Variants in PRIM2 observed in about 807,000 individuals in gnomAD.
PRIM2 encodes DNA primase subunit 2.
PRIM2 carries 39 observed loss-of-function variants against 67.3 expected under a neutral mutation model. The observed-to-expected ratio is 0.58, with a 90% CI of 0.45 to 0.76. The LOEUF is 0.76. Ranked by LOEUF, PRIM2 falls within the 30% of genes least tolerant of loss-of-function variation. The probability of loss-of-function intolerance (pLI) is 0.00; values close to 1 mark genes in which losing one functional copy is unlikely to be tolerated. For synonymous variants in PRIM2, 143 were observed against 198.7 expected, an observed-to-expected ratio of 0.72 and a Z score of 2.36; for missense variants, 398 against 598.7, an observed-to-expected ratio of 0.66 and a Z score of 3.50.
intron 10 of PRIM2, among the ~76,000 whole-genome samples, chr6:57,599,951 C>A (rs1170237377): frequency 6.6e-6 from 1 of 152,174 alleles, no homozygotes; most frequent in Non-Finnish European, 1.5e-5. Flanking sequence ...CCACACACAG[C>A]TAATATTTAA....
intron 12 of PRIM2, among the ~76,000 whole-genome samples, chr6:57,617,139 G>GT (rs1776770426): frequency 6.6e-6 from 1 of 152,270 alleles, no homozygotes; most frequent in East Asian, 1.9e-4. Flanking sequence ...CTGTTCCCAC[G>GT]TTTTTCCCAG....
intron 5 of PRIM2, among the ~76,000 whole-genome samples, chr6:57,326,932 C>T (rs1259691796): frequency 7.3e-6 from 1 of 137,026 alleles, no homozygotes; most frequent in Non-Finnish European, 1.5e-5. Flanking sequence ...GATGGAGCCT[C>T]ACTCTGTCAT....
At chr6:57,387,035 T>G (rs1455784338) in intron 7 of PRIM2, among the ~76,000 whole-genome samples, 1 of 152,176 alleles carries the variant, frequency 6.6e-6, no homozygotes, top group Non-Finnish European at 1.5e-5. Context: ...GATAAAAAAT[T>G]GACATTACTT....
chr6:57,280,177 A>C, the PRIM2 span, among the ~76,000 whole-genome samples: 1 of 152,198 alleles, frequency 6.6e-6, no homozygotes, highest in Non-Finnish European at 1.5e-5. Context: ...TGTAAAATTA[A>C]AAAATTCTCA....
chr6:57,613,136 A>G (rs1188519142), intron 12 of PRIM2, among the ~76,000 whole-genome samples: 2 of 152,248 alleles, frequency 1.3e-5, no homozygotes, highest in Non-Finnish European at 1.5e-5. Context: ...GGTAAGTAGC[A>G]TAATGAGCCA....
intron 5 of PRIM2, among the ~76,000 whole-genome samples, chr6:57,360,083 T>G (rs1424056599): frequency 6.6e-6 from 1 of 152,198 alleles, no homozygotes; most frequent in South Asian, 2.1e-4. Context: ...TTGCCAAAAT[T>G]TAAAGCAGAC....
chr6:57,260,598 C>T, the PRIM2 span, among the ~76,000 whole-genome samples: 1 of 152,006 alleles, frequency 6.6e-6, no homozygotes, highest in Admixed American at 6.5e-5. Flanking sequence ...GTCTCCAATC[C>T]TTGGTGGATT....
the PRIM2 span, among the ~76,000 whole-genome samples, chr6:57,285,535 C>A: frequency 1.3e-5 from 2 of 152,122 alleles, no homozygotes; most frequent in Admixed American, 6.5e-5. Flanking sequence ...ATCATTATCT[C>A]GATAGATGCA....
intron 13 of PRIM2, among the ~76,000 whole-genome samples, chr6:57,637,065 G>A (rs1413473971): frequency 1.3e-5 from 2 of 152,284 alleles, no homozygotes; most frequent in Admixed American, 6.5e-5. Flanking sequence ...AAGGAACAGG[G>A]CACAATCTTT....
intron 7 of PRIM2, among the ~76,000 whole-genome samples, chr6:57,390,378 A>C (rs1420946676): frequency 1.3e-5 from 2 of 152,098 alleles, no homozygotes; most frequent in East Asian, 3.9e-4. Context: ...TTGTCTATTC[A>C]ACACATATTT....
the PRIM2 span, among the ~76,000 whole-genome samples, chr6:57,227,043 C>T: frequency 6.6e-6 from 1 of 152,026 alleles, no homozygotes; most frequent in Admixed American, 6.6e-5. Flanking sequence ...AGGGCCCTTA[C>T]TAACAAAGAA....
At chr6:57,628,440 A>C (rs1776989961) in intron 12 of PRIM2, among the ~76,000 whole-genome samples, 1 of 152,230 alleles carries the variant, frequency 6.6e-6, no homozygotes, top group Non-Finnish European at 1.5e-5. Context: ...CTCTTGCCTA[A>C]CAACATCTTC....
At chr6:57,458,642 G>GC (rs770673465) in intron 7 of PRIM2, among the ~76,000 whole-genome samples, 115 of 152,100 alleles carry the variant, frequency 7.6e-4, no homozygotes, top group Non-Finnish European at 1.1e-3. Flanking sequence ...CCGAGGTTGC[G>GC]CCATTGCACT....
intron 5 of PRIM2, among the ~76,000 whole-genome samples, chr6:57,349,722 T>C (rs1466164060): frequency 2.0e-5 from 3 of 152,148 alleles, no homozygotes; most frequent in African/African-American, 7.2e-5. Context: ...ATTTTTTTTG[T>C]CTTTTTGGAA....
chr6:57,523,213 A>G (rs1774663564), intron 8 of PRIM2, among the ~76,000 whole-genome samples: 1 of 152,272 alleles, frequency 6.6e-6, no homozygotes, highest in African/African-American at 2.4e-5. Flanking sequence ...CCTCACAACA[A>G]CTTTTTGAGA....
chr6:57,510,329 A>G (rs1774338644), intron 8 of PRIM2, among the ~76,000 whole-genome samples: 1 of 152,194 alleles, frequency 6.6e-6, no homozygotes, highest in Non-Finnish European at 1.5e-5. Flanking sequence ...TTTATAAATC[A>G]TACTGTCAAA....
chr6:57,377,045 T>G (rs1417337579), intron 5 of PRIM2, among the ~76,000 whole-genome samples: 1 of 145,906 alleles, frequency 6.9e-6, no homozygotes, highest in Non-Finnish European at 1.5e-5. Context: ...CCCAGCTAAT[T>G]TTTTTTTTTT....
At chr6:57,612,308 T>C (rs1326579125) in intron 12 of PRIM2, among the ~76,000 whole-genome samples, 1 of 152,212 alleles carries the variant, frequency 6.6e-6, no homozygotes, top group African/African-American at 2.4e-5. Context: ...GTAGGCATTA[T>C]TGATAATTGC....
At chr6:57,405,988 T>C (rs1178097952) in intron 7 of PRIM2, among the ~76,000 whole-genome samples, 5 of 152,198 alleles carry the variant, frequency 3.3e-5, no homozygotes, top group Non-Finnish European at 7.3e-5. Flanking sequence ...TAAACAGTCA[T>C]CATATGTGTG....
Sources: allele counts gnomAD v4.1 joint callset (sites outside exome capture counted in the v4.1 genomes callset), GRCh38; gene constraint gnomAD v4.1.1; transcripts MANE v1.5; gene names NCBI Gene and HGNC (gene_info 2026-07-23, HGNC 2026-07-21).